The following PAFAH1B2 variants were observed in gnomAD, a reference collection of about 807,000 sequenced individuals.
PAFAH1B2 encodes platelet-activating factor acetylhydrolase IB subunit alpha2.
A neutral mutation model predicts 28.0 loss-of-function variants in PAFAH1B2; 8 were observed. The ratio of observed to expected loss-of-function variants is 0.29; its 90% CI spans 0.17 to 0.52. The LOEUF (loss-of-function observed/expected upper bound fraction) is 0.52, where lower values mean the gene tolerates loss of function less well. Ranked by LOEUF, PAFAH1B2 falls within the 20% of genes least tolerant of loss-of-function variation. The probability of loss-of-function intolerance (pLI) is 0.97; values close to 1 mark genes in which losing one functional copy is unlikely to be tolerated. For missense variants in PAFAH1B2, 190 were observed against 282.6 expected (o/e 0.67, Z 2.35); for synonymous variants, 104 against 103.2 (o/e 1.01, Z -0.05).
exon 6 of PAFAH1B2, chr11:117,176,293 G>A (rs994785351): frequency 5.9e-6 from 2 of 340,474 alleles, no homozygotes; most frequent in Non-Finnish European, 1.1e-5. Flanking sequence ...TGCTTGGACA[G>A]GGGCCAAAAC....
chr11:117,164,394 G>A (rs563444355), intron 5 of PAFAH1B2, among the ~76,000 whole-genome samples: 2 of 114,142 alleles, frequency 1.8e-5, no homozygotes, highest in African/African-American at 6.4e-5. Flanking sequence ...GTGACAGAGC[G>A]AGACTCCGTC....
chr11:117,161,115 G>T, intron 3 of PAFAH1B2, 30 bp from the exon 4 acceptor site: 1 of 1,377,428 alleles, frequency 7.3e-7, no homozygotes, highest in Middle Eastern at 2.0e-4. Context: ...CTAGTTTTAG[G>T]TACACTAAAT....
At chr11:117,153,926 T>G (rs1249400903) in intron 2 of PAFAH1B2, among the ~76,000 whole-genome samples, 2 of 150,924 alleles carry the variant, frequency 1.3e-5, no homozygotes, top group Admixed American at 1.3e-4. Flanking sequence ...TTTTTTTCTT[T>G]TCTTTTTTTT....
At chr11:117,167,250 A>T (rs1956532330) in intron 5 of PAFAH1B2, among the ~76,000 whole-genome samples, 171 bp from the exon 6 acceptor site, 1 of 152,210 alleles carries the variant, frequency 6.6e-6, no homozygotes, top group Admixed American at 6.5e-5. Context: ...CCCATGAAAA[A>T]ACTAAGAAGA....
intron 1 of PAFAH1B2, among the ~76,000 whole-genome samples, chr11:117,147,725 A>G (rs540434551): frequency 1.3e-5 from 2 of 151,482 alleles, no homozygotes; most frequent in Non-Finnish European, 2.9e-5. Context: ...GAGTCAGAAG[A>G]CACAAAGAAA....
At position 117,164,116 on chromosome 11, in the gene PAFAH1B2, T is replaced by G. The variant is rs550038724; in HGVS notation, c.411+224T>G. ...ATCCACGCATCCTTGTTTAGAAGTA[T>G]GGAAGCCGTGGCCAGGCGCTGTGGC... is the stretch of plus-strand genomic sequence containing the variant. On this transcript the variant is annotated intron_variant, in intron 5 of 5. Transcript: ENST00000527958. 4 of 399,616 alleles carry G rather than the reference T, an allele frequency of 1.0e-5. No individual in the cohort carries two copies. In the South Asian group the frequency reaches 1.4e-4, roughly 14 times the overall value. The allele number at this position is 399,616 out of a possible 1,614,324, so 24.8% of individuals were successfully genotyped here. A position where few individuals can be genotyped will look rare whatever the true frequency, so the allele number is the denominator to read the frequency against.
At chr11:117,147,884 C>A (rs1180052791) in intron 1 of PAFAH1B2, among the ~76,000 whole-genome samples, 1 of 152,164 alleles carries the variant, frequency 6.6e-6, no homozygotes, top group East Asian at 1.9e-4. Context: ...ACATTTTGTT[C>A]CTCGGTTTCT....
chr11:117,147,727 A>G (rs1010823167), intron 1 of PAFAH1B2, among the ~76,000 whole-genome samples: 9 of 151,534 alleles, frequency 5.9e-5, no homozygotes, highest in African/African-American at 2.2e-4. Context: ...GTCAGAAGAC[A>G]CAAAGAAACA....
intron 1 of PAFAH1B2, among the ~76,000 whole-genome samples, chr11:117,149,430 G>GTTTTTTATTTTTTT (rs1555027906): frequency 1.2e-5 from 1 of 86,050 alleles, no homozygotes; most frequent in African/African-American, 4.6e-5. Context: ...TTTTCTAATC[G>GTTTTTTATTTTTTT]TTTTTTTTTT....
chr11:117,177,216 C>T (rs900223509), downstream of PAFAH1B2, among the ~76,000 whole-genome samples: 10 of 151,926 alleles, frequency 6.6e-5, no homozygotes, highest in Admixed American at 2.0e-4. Context: ...CTCCACCCCC[C>T]GGCAGATAAA....
chr11:117,146,344 C>G (rs1396403234), intron 1 of PAFAH1B2, among the ~76,000 whole-genome samples: 1 of 151,950 alleles, frequency 6.6e-6, no homozygotes, highest in African/African-American at 2.4e-5. Flanking sequence ...CCACCCGCCT[C>G]GGCCTCCCAA....
At chr11:117,176,013 T>C, downstream of PAFAH1B2, 1 of 1,164,828 alleles carries the variant, frequency 8.6e-7, no homozygotes, top group Non-Finnish European at 1.2e-6. Flanking sequence ...CATGGAGGGC[T>C]CATGATGAAG....
At chr11:117,165,470 C>T (rs756377202) in intron 5 of PAFAH1B2, among the ~76,000 whole-genome samples, 3 of 152,056 alleles carry the variant, frequency 2.0e-5, no homozygotes, top group Admixed American at 6.6e-5. Flanking sequence ...GTCATTTACT[C>T]AAAAAACCTG....
At chr11:117,151,242 T>TG (rs1322140917) in intron 1 of PAFAH1B2, among the ~76,000 whole-genome samples, 2 of 149,578 alleles carry the variant, frequency 1.3e-5, no homozygotes, top group Non-Finnish European at 1.5e-5. Flanking sequence ...TCTTTTTTTT[T>TG]TTTTTGAGAT....
At chr11:117,177,170 C>G (rs987009229), downstream of PAFAH1B2, among the ~76,000 whole-genome samples, 1 of 152,196 alleles carries the variant, frequency 6.6e-6, no homozygotes, top group Non-Finnish European at 1.5e-5. Context: ...GATTGTGCCA[C>G]TGCACTCCAA....
chr11:117,146,668 ACGACTGACTGAGACCCTGT>A, intron 1 of PAFAH1B2, among the ~76,000 whole-genome samples: 1 of 152,170 alleles, frequency 6.6e-6, no homozygotes, highest in East Asian at 1.9e-4. Context: ...ACTCCAGCTA[ACGACTGACTGAGACCCTGT>A]CGGGGTAAAA....
At position 117,152,492 on chromosome 11, in the gene PAFAH1B2, A is replaced by G. The variant is rs1393711730; in HGVS notation, c.45A>G (p.Ala15=). ...ACCCAGCAGCTATTCCGCATGCAGC[A>G]GAAGATATTCAAGGAGATGACCGAT... ...DSNPAAIPHA[A]EDIQGDDRWM... is the part of the protein sequence containing the mutation. The change falls in exon 2 of 6, where the codon GCA becomes GCG. Residue 15 remains alanine (A), a synonymous_variant. Transcript: ENST00000527958. The G allele has an allele frequency of 6.2e-7, 1 of 1,613,970 alleles. No homozygotes were observed.
chr11:117,145,854 G>A (rs1056914618), intron 1 of PAFAH1B2, among the ~76,000 whole-genome samples: 7 of 152,182 alleles, frequency 4.6e-5, no homozygotes, highest in Admixed American at 1.3e-4. Context: ...AAGTTATAAC[G>A]CTTTGTTGTT....
intron 2 of PAFAH1B2, among the ~76,000 whole-genome samples, chr11:117,158,880 G>A (rs1307635038): frequency 6.6e-6 from 1 of 152,120 alleles, no homozygotes; most frequent in African/African-American, 2.4e-5. Context: ...CCCAACCTCA[G>A]GTGATCTGCC....
Sources: allele counts gnomAD v4.1 joint callset (sites outside exome capture counted in the v4.1 genomes callset), GRCh38; gene constraint gnomAD v4.1.1; transcripts MANE v1.5; gene names NCBI Gene and HGNC (gene_info 2026-07-23, HGNC 2026-07-21).